PATJ: variants seen among roughly 807,000 people sequenced by gnomAD.
PATJ encodes the protein PATJ crumbs cell polarity complex component, also known as inaD-like protein.
PATJ carries 190 observed loss-of-function variants against 224.9 expected under a neutral mutation model. The observed-to-expected ratio is 0.84, with a 90% CI of 0.75 to 0.95. PATJ has a LOEUF of 0.95. Ranked by LOEUF, PATJ falls within the 40% of genes least tolerant of loss-of-function variation. The pLI is 0.00. For missense variants in PATJ, 2,121 were observed against 2,270.3 expected (o/e 0.93, Z 1.34); for synonymous variants, 769 against 820.3 (o/e 0.94, Z 1.07).
At chr1:62,130,617 T>C (rs1433198978) in intron 41 of PATJ, among the ~76,000 whole-genome samples, 3 of 151,678 alleles carry the variant, frequency 2.0e-5, no homozygotes, top group Non-Finnish European at 3.0e-5. Flanking sequence ...TTTGGGAGGC[T>C]GAGGCGGGCG....
chr1:62,024,817 C>CTTACAT lies in PATJ; in HGVS notation c.3959+6873_3959+6878dup, dbSNP rs1647525255. On this transcript the variant is annotated intron_variant, in intron 29 of 43. Transcript: ENST00000642238. ...TGTGGCCAGCGGGTGTTCAATGTGT[C>CTTACAT]TTACATTTTGGCAATATGATACCTT... Among the ~76,000 whole-genome samples the CTTACAT allele has an allele frequency of 2.0e-5, 3 of 152,132 alleles. No homozygotes were observed. In the South Asian group the frequency reaches 6.2e-4, roughly 32 times the overall value.
intron 27 of PATJ, among the ~76,000 whole-genome samples, chr1:61,941,697 A>T (rs1332767064): frequency 1.3e-5 from 2 of 152,176 alleles, no homozygotes; most frequent in East Asian, 1.9e-4. Context: ...CTTAATAGTC[A>T]TATTAACTGT....
chr1:62,088,154 G>C (rs940347754), intron 33 of PATJ, among the ~76,000 whole-genome samples: 2 of 152,048 alleles, frequency 1.3e-5, no homozygotes, highest in African/African-American at 4.8e-5. Context: ...GCCTCCCAAA[G>C]TGCTGGGATT....
At chr1:62,011,275 A>T (rs35523060) in intron 28 of PATJ, among the ~76,000 whole-genome samples, 24,322 of 152,106 alleles carry the variant, frequency 0.16, 2,182 homozygotes, top group Non-Finnish European at 0.21. Flanking sequence ...TGCCTTCCTC[A>T]CTAAGTTTCA....
At position 61,960,801 on chromosome 1, in the gene PATJ, G is replaced by T. The variant is rs536776957; in HGVS notation, c.3671-29367G>T. The stretch of plus-strand genomic sequence containing the variant: ...GTTCTCTAGAAATGATAATTTTGCT[G>T]ACCATTTTTCTCAGTGCTCTTGGCT... On this transcript the variant is annotated intron_variant, in intron 27 of 43. Transcript: ENST00000642238. Among the ~76,000 whole-genome samples the T allele has an allele frequency of 2.6e-5, 4 of 152,088 alleles. No homozygotes were observed. The South Asian group carries it at 8.3e-4, about 32-fold the overall frequency.
At position 62,154,357 on chromosome 1, in the gene PATJ, T is replaced by C. The variant is rs181312291; in HGVS notation, c.5502+876T>C. Among the ~76,000 whole-genome samples the C allele has an allele frequency of 3.9e-5, 6 of 152,276 alleles. 1 individual carries two copies. Among genetic ancestry groups the C allele is most frequent in the African/African-American group, 1.4e-4 (6 of 41,554 alleles). On this transcript the variant is annotated intron_variant, in intron 43 of 43. Transcript: ENST00000642238. ...TATGAACAGATCTTGTTGAACTGCT[T>C]TGTTTTCCTAAAGAAATAAAGGTCT... is the stretch of plus-strand genomic sequence containing the variant.
chr1:61,991,182 A>AATGATGATG (rs71582656), intron 28 of PATJ, among the ~76,000 whole-genome samples: 13 of 151,042 alleles, frequency 8.6e-5, no homozygotes, highest in African/African-American at 2.7e-4. Context: ...TAAGAAATGC[A>AATGATGATG]ATGATGATGA....
chr1:62,114,861 C>G (rs990158054), intron 35 of PATJ: 1 of 150,730 alleles, frequency 6.6e-6, no homozygotes, highest in Non-Finnish European at 1.5e-5. Flanking sequence ...TGTGAATAGC[C>G]ACTGCACTTG....
intron 27 of PATJ, among the ~76,000 whole-genome samples, chr1:61,936,611 A>T (rs1464750277): frequency 1.3e-5 from 2 of 152,120 alleles, no homozygotes; most frequent in East Asian, 1.9e-4. Context: ...TCGCTCTGTC[A>T]CCCAGGCTGG....
At chr1:62,031,744 G>A (rs1207097998) in intron 29 of PATJ, among the ~76,000 whole-genome samples, 10 of 152,128 alleles carry the variant, frequency 6.6e-5, no homozygotes, top group African/African-American at 2.4e-4. Context: ...TCTGCTATTT[G>A]TCAGCTTTGT....
intron 41 of PATJ, among the ~76,000 whole-genome samples, chr1:62,136,689 GTGTC>G (rs879353278): frequency 0.016 from 2,343 of 144,672 alleles, 32 homozygotes; most frequent in Non-Finnish European, 0.026. Context: ...GTGTGTGTGT[GTGTC>G]TGTGTGTGTG....
At chr1:61,893,589 C>T (rs1669911548) in intron 22 of PATJ, among the ~76,000 whole-genome samples, 1 of 149,774 alleles carries the variant, frequency 6.7e-6, no homozygotes, top group South Asian at 2.1e-4. Context: ...TTGCTTGAGT[C>T]CAGGTGTTTG....
At chr1:61,757,893 C>A (rs1317624409) in intron 1 of PATJ, among the ~76,000 whole-genome samples, 1 of 151,996 alleles carries the variant, frequency 6.6e-6, no homozygotes, top group African/African-American at 2.4e-5. Context: ...CTCAAGTGAT[C>A]CTCCCACCTC....
intron 7 of PATJ, among the ~76,000 whole-genome samples, chr1:61,778,996 G>A (rs1647093321): frequency 6.6e-6 from 1 of 152,008 alleles, no homozygotes; most frequent in Non-Finnish European, 1.5e-5. Context: ...ATCAAGCCTG[G>A]CGAATATTTT....
At chr1:61,763,999 C>CT (rs376121524) in intron 3 of PATJ, among the ~76,000 whole-genome samples, 38 of 145,864 alleles carry the variant, frequency 2.6e-4, no homozygotes, top group Admixed American at 4.9e-4. Context: ...TGTGTGTGGT[C>CT]TTTTTTTTTG....
At position 61,957,673 on chromosome 1, in the gene PATJ, G is replaced by A. The variant is rs188048014; in HGVS notation, c.3670+29844G>A. Among the ~76,000 whole-genome samples the A allele has an allele frequency of 3.6e-3, 544 of 152,216 alleles. 2 individuals are homozygous for A. Among genetic ancestry groups the A allele is most frequent in the African/African-American group, 0.013 (524 of 41,536 alleles). ...CAGCATGTGGCCCATTATGTGTGTT[G>A]GTAAAGAAAAGTCTTATTGTTGATG... is the stretch of plus-strand genomic sequence containing the variant. On this transcript the variant is annotated intron_variant, in intron 27 of 43. Coordinates refer to ENST00000642238, the MANE Select transcript of PATJ (RefSeq NM_001350145.3).
intron 5 of PATJ, 145 bp downstream of exon 5, chr1:61,769,567 C>A (rs1484410716): frequency 5.9e-6 from 5 of 842,914 alleles, no homozygotes; most frequent in Admixed American, 5.2e-5. Flanking sequence ...ATTTGTCAGG[C>A]CTTTTGCGAA....
chr1:62,115,527 G>A (rs1047003357), intron 35 of PATJ, among the ~76,000 whole-genome samples: 2 of 150,868 alleles, frequency 1.3e-5, no homozygotes, highest in Non-Finnish European at 2.9e-5. Flanking sequence ...TTTGTTCCAG[G>A]ATAATATTAC....
chr1:62,030,972 C>A (rs563841776), intron 29 of PATJ, among the ~76,000 whole-genome samples: 1 of 152,076 alleles, frequency 6.6e-6, no homozygotes, highest in Non-Finnish European at 1.5e-5. Flanking sequence ...AAGGTATGAA[C>A]GTGGCTTTTT....
Sources: gnomAD v4.1 joint callset for allele counts (sites outside exome capture counted in the v4.1 genomes callset) on GRCh38, gnomAD v4.1.1 for gene constraint, MANE v1.5 for transcripts, NCBI Gene and HGNC (gene_info 2026-07-23, HGNC 2026-07-21) for gene names.